SKIC3: variants seen among roughly 807,000 people sequenced by gnomAD.
SKIC3 encodes the protein superkiller complex protein 3.
At chr5:95,503,982 C>G in the SKIC3 span, 6 of 1,601,276 alleles carry the variant, frequency 3.7e-6, no homozygotes, top group Non-Finnish European at 5.1e-6. Context: ...AAAAGTAATT[C>G]TGGTGTGTAT....
the SKIC3 span, among the ~76,000 whole-genome samples, chr5:95,549,568 T>C: frequency 6.6e-6 from 1 of 151,982 alleles, no homozygotes; most frequent in African/African-American, 2.4e-5. Context: ...TGGAACCCTC[T>C]ATTCTCTTCC....
At chr5:95,524,109 A>T in the SKIC3 span, among the ~76,000 whole-genome samples, 11 of 152,196 alleles carry the variant, frequency 7.2e-5, no homozygotes, top group Admixed American at 6.5e-4. Flanking sequence ...CTGCTCTTAC[A>T]AGTCAAGATA....
chr5:95,495,833 GTT>G, the SKIC3 span, among the ~76,000 whole-genome samples: 1 of 152,096 alleles, frequency 6.6e-6, no homozygotes, highest in East Asian at 1.9e-4. Context: ...GGTGACTTCA[GTT>G]GCACATTAAA....
the SKIC3 span, chr5:95,522,423 A>T: frequency 2.4e-6 from 3 of 1,267,476 alleles, no homozygotes; most frequent in African/African-American, 4.5e-5. Context: ...CCTTCTACTT[A>T]TAAAAGTGCT....
chr5:95,518,204 T>C, the SKIC3 span, among the ~76,000 whole-genome samples: 2 of 152,122 alleles, frequency 1.3e-5, no homozygotes, highest in African/African-American at 2.4e-5. Context: ...GGCATAACTA[T>C]ATATATTGAT....
the SKIC3 span, among the ~76,000 whole-genome samples, chr5:95,551,500 T>C: frequency 6.6e-6 from 1 of 152,038 alleles, no homozygotes; most frequent in Non-Finnish European, 1.5e-5. Flanking sequence ...AAAGAAAGTA[T>C]GGTAATCCAA....
chr5:95,543,101 T>C, the SKIC3 span: 1 of 1,501,894 alleles, frequency 6.7e-7, no homozygotes, highest in African/African-American at 1.4e-5. Context: ...TTTAAATGCT[T>C]AGTTTAATGT....
chr5:95,465,138 G>T, the SKIC3 span, among the ~76,000 whole-genome samples: 1 of 151,868 alleles, frequency 6.6e-6, no homozygotes, highest in Non-Finnish European at 1.5e-5. Flanking sequence ...ATGTTGGCCA[G>T]AGGCTGGTCT....
At chr5:95,507,543 A>G in the SKIC3 span, among the ~76,000 whole-genome samples, 3 of 152,208 alleles carry the variant, frequency 2.0e-5, no homozygotes, top group Admixed American at 1.3e-4. Flanking sequence ...TCAGTTCCCT[A>G]TGGGCAGGCA....
At chr5:95,490,504 A>ATTTT in the SKIC3 span, among the ~76,000 whole-genome samples, 648 of 144,246 alleles carry the variant, frequency 4.5e-3, 4 homozygotes, top group South Asian at 0.012. Context: ...ATATATATAT[A>ATTTT]TTTTTTTTTT....
the SKIC3 span, among the ~76,000 whole-genome samples, chr5:95,480,476 G>A: frequency 1.4e-4 from 21 of 152,088 alleles, no homozygotes; most frequent in Non-Finnish European, 2.9e-4. Flanking sequence ...TAGATATCAG[G>A]TAAACACAAG....
At chr5:95,548,195 G>A in the SKIC3 span, among the ~76,000 whole-genome samples, 424 of 151,970 alleles carry the variant, frequency 2.8e-3, 2 homozygotes, top group Non-Finnish European at 2.2e-3. Context: ...TCATAGAAAG[G>A]TAAAACAAAG....
chr5:95,470,313 C>T, the SKIC3 span, among the ~76,000 whole-genome samples: 1 of 151,972 alleles, frequency 6.6e-6, no homozygotes, highest in African/African-American at 2.4e-5. Flanking sequence ...TATTTGAGCC[C>T]GTCACCATAT....
At chr5:95,490,797 C>T in the SKIC3 span, 3 of 1,419,982 alleles carry the variant, frequency 2.1e-6, no homozygotes, top group Non-Finnish European at 2.9e-6. Context: ...CATGCCCGGC[C>T]TAATGAATAT....
At chr5:95,530,215 C>G in the SKIC3 span, 1 of 1,613,382 alleles carries the variant, frequency 6.2e-7, no homozygotes, top group South Asian at 1.1e-5. Context: ...TGCTGCCCCT[C>G]ATCAGTAAGA....
chr5:95,477,704 A>G, the SKIC3 span, among the ~76,000 whole-genome samples: 1 of 152,176 alleles, frequency 6.6e-6, no homozygotes, highest in African/African-American at 2.4e-5. Context: ...CACACATGGT[A>G]TATTTAGAGA....
chr5:95,518,816 A>T, the SKIC3 span, among the ~76,000 whole-genome samples: 1 of 151,972 alleles, frequency 6.6e-6, no homozygotes, highest in Non-Finnish European at 1.5e-5. Context: ...TTTCCTTTGG[A>T]TAAGTTCCCA....
At chr5:95,465,478 C>G in the SKIC3 span, among the ~76,000 whole-genome samples, 2 of 152,154 alleles carry the variant, frequency 1.3e-5, no homozygotes, top group East Asian at 1.9e-4. Context: ...ATCCTTCATA[C>G]TAAAACATTT....
chr5:95,509,558 T>C, the SKIC3 span: 2 of 1,476,944 alleles, frequency 1.4e-6, no homozygotes, highest in Non-Finnish European at 1.9e-6. Flanking sequence ...TCCCCTCATC[T>C]TCCTCCTGCA....
Sources: allele counts gnomAD v4.1 joint callset (sites outside exome capture counted in the v4.1 genomes callset), GRCh38; gene constraint gnomAD v4.1.1; transcripts MANE v1.5; gene names NCBI Gene and HGNC (gene_info 2026-07-23, HGNC 2026-07-21).